The following ZNF536 variants were observed in gnomAD, a reference collection of about 807,000 sequenced individuals.
The protein encoded by ZNF536 is zinc finger protein 536.
ZNF536 carries 13 observed loss-of-function variants against 84.5 expected under a neutral mutation model. The ratio of observed to expected loss-of-function variants is 0.15; its 90% confidence interval spans 0.10 to 0.24. The LOEUF is 0.24. ZNF536 is among the 10% of genes least tolerant of loss of function. The pLI, the probability that ZNF536 is intolerant of heterozygous loss-of-function variation, is 1.00. For synonymous variants in ZNF536, 811 were observed against 742.5 expected, an observed-to-expected ratio of 1.09 and a Z score of -1.50; for missense variants, 1,536 against 1,747.5, an observed-to-expected ratio of 0.88 and a Z score of 2.16.
chr19:30,292,894 G>A (rs2045887341), intron 2 of ZNF536, among the ~76,000 whole-genome samples: 1 of 152,156 alleles, frequency 6.6e-6, no homozygotes, highest in Admixed American at 6.5e-5. Flanking sequence ...ACACGCACAG[G>A]ATTTCCTCAG....
chr19:30,306,724 ATG>A (rs1306447599), intron 2 of ZNF536, among the ~76,000 whole-genome samples: 4 of 152,236 alleles, frequency 2.6e-5, no homozygotes, highest in African/African-American at 9.6e-5. Context: ...ATAGTCTGGT[ATG>A]TTATTTTATG....
intron 2 of ZNF536, among the ~76,000 whole-genome samples, chr19:30,503,255 GGGTTAATATTCCT>G (rs1245047628): frequency 6.6e-6 from 1 of 152,068 alleles, no homozygotes; most frequent in Non-Finnish European, 1.5e-5. Context: ...GATAGATGAA[GGGTTAATATTCCT>G]GGTGCAAAGA....
intron 2 of ZNF536, among the ~76,000 whole-genome samples, chr19:30,449,524 G>A (rs1600781324): frequency 6.6e-6 from 1 of 152,144 alleles, no homozygotes; most frequent in Non-Finnish European, 1.5e-5. Flanking sequence ...ACTAAGAAAT[G>A]ATACTGTTCA....
chr19:30,644,985 C>G (rs1396979082), intron 1 of ZNF536, among the ~76,000 whole-genome samples: 1 of 152,158 alleles, frequency 6.6e-6, no homozygotes, highest in Non-Finnish European at 1.5e-5. Flanking sequence ...GTCCCACCAA[C>G]AGTGTAAAAG....
intron 2 of ZNF536, among the ~76,000 whole-genome samples, chr19:30,340,924 G>C (rs1165512577): frequency 6.6e-6 from 1 of 152,058 alleles, no homozygotes. Context: ...CTCTTCTGCT[G>C]CTGTGCACTT....
chr19:30,630,406 T>A (rs2048846045), intron 1 of ZNF536, among the ~76,000 whole-genome samples: 1 of 148,242 alleles, frequency 6.7e-6, no homozygotes, highest in African/African-American at 2.5e-5. Flanking sequence ...ATCCCGTGTG[T>A]GTGTGTGTGT....
chr19:30,539,597 A>C (rs1177094348), intron 3 of ZNF536, among the ~76,000 whole-genome samples: 1 of 152,208 alleles, frequency 6.6e-6, no homozygotes, highest in Non-Finnish European at 1.5e-5. Flanking sequence ...ATGTCCCCAG[A>C]GTCTCCTGAG....
chr19:30,336,162 A>C (rs1167928989), intron 2 of ZNF536, among the ~76,000 whole-genome samples: 1 of 152,200 alleles, frequency 6.6e-6, no homozygotes, highest in African/African-American at 2.4e-5. Flanking sequence ...TTCCAGCATG[A>C]GAGTAAGGCA....
chr19:30,634,536 T>C (rs1475616255), intron 1 of ZNF536, among the ~76,000 whole-genome samples: 1 of 152,074 alleles, frequency 6.6e-6, no homozygotes, highest in Non-Finnish European at 1.5e-5. Flanking sequence ...GGGTCCACCA[T>C]ACCCCTGGTC....
At chr19:30,595,298 T>C (rs761483817) in intron 1 of ZNF536, among the ~76,000 whole-genome samples, 25 of 152,120 alleles carry the variant, frequency 1.6e-4, no homozygotes, top group Non-Finnish European at 3.1e-4. Flanking sequence ...TTTTTAATTA[T>C]TTTTTAAGAG....
At position 30,519,906 on chromosome 19, in the gene ZNF536, G is replaced by A. The variant is rs567429117; in HGVS notation, c.2171-14941G>A. Among the ~76,000 whole-genome samples the A allele has an allele frequency of 2.2e-3, 329 of 152,316 alleles. 1 individual carries two copies. The highest frequency in any genetic ancestry group is 3.7e-3 in the Non-Finnish European group (254 of 68,024). ...AGACAGATATTAATCACACATATAC[G>A]CTCAGTGCAAACTCTGAGAAATGTC... On this transcript the variant is annotated intron_variant, in intron 2 of 4. Coordinates refer to ENST00000355537, the MANE Select transcript of ZNF536 (RefSeq NM_014717.3).
In ZNF536 at chr19:30,484,794, C is replaced by T. The variant is rs1369786891; in HGVS notation, c.2170+39062C>T. Among the ~76,000 whole-genome samples the T allele has an allele frequency of 3.3e-5, 5 of 151,070 alleles. 1 individual carries two copies. The highest frequency in any genetic ancestry group is 7.4e-5 in the Non-Finnish European group (5 of 67,926). ...GGAAAGTGGGGGGACAACATCTCTT[C>T]TTTGTTATAAGGATTAATTACTTTG... On this transcript the variant is annotated intron_variant, in intron 2 of 4. Coordinates refer to ENST00000355537, the MANE Select transcript of ZNF536 (RefSeq NM_014717.3).
In ZNF536 at chr19:30,355,717, T is replaced by C. The variant is rs149695973; in HGVS notation, c.-3+3233T>C. Among the ~76,000 whole-genome samples, 894 of 152,170 alleles carry C rather than the reference T, an allele frequency of 5.9e-3. 12 individuals carry two copies. The highest frequency in any genetic ancestry group is 0.021 in the African/African-American group (860 of 41,520). On this transcript the variant is annotated intron_variant, in intron 3 of 5. Transcript: ENST00000585628. ...CAAGCAGGAGCTGAGCTGCAGGTGATTGAGTGTTACTGCCTGAGCTCCACC... is the reference window on the plus strand; with the variant it reads ...CAAGCAGGAGCTGAGCTGCAGGTGACTGAGTGTTACTGCCTGAGCTCCACC...
rs1555744993 is a variant in ZNF536 at position 30,402,796 on chromosome 19, A to ATATATATATATATATATATATATAT, written c.-3+30240_-3+30241insTATATATATATATATATATATATAT. On this transcript the variant is annotated intron_variant, in intron 1 of 4. Coordinates refer to ENST00000355537, the MANE Select transcript of ZNF536 (RefSeq NM_014717.3). ...TTTTAAACATTTTTTAAAATTAAAA[A>ATATATATATATATATATATATATAT]ATATATATATATATATATATATATA... 9.0e-4 allele frequency among the ~76,000 whole-genome samples: 77 copies of ATATATATATATATATATATATATAT among 85,558 alleles called. 11 individuals carry two copies. The highest frequency in any genetic ancestry group is 3.1e-3 in the South Asian group (7 of 2,228). The allele number at this position is 85,558 out of a possible 152,430, so 56.1% of individuals were successfully genotyped here.
At chr19:30,289,003 A>G (rs2045741292) in intron 2 of ZNF536, among the ~76,000 whole-genome samples, 1 of 152,208 alleles carries the variant, frequency 6.6e-6, no homozygotes, top group African/African-American at 2.4e-5. Flanking sequence ...TAGCAAGTTC[A>G]GAGAATGTCA....
intron 1 of ZNF536, among the ~76,000 whole-genome samples, chr19:30,574,786 C>A (rs1232884912): frequency 6.6e-6 from 1 of 152,220 alleles, no homozygotes; most frequent in Non-Finnish European, 1.5e-5. Flanking sequence ...ACTATAATAT[C>A]TATGTATTTG....
chr19:30,562,670 G>C (rs1373997392), downstream of ZNF536, among the ~76,000 whole-genome samples: 1 of 151,966 alleles, frequency 6.6e-6, no homozygotes, highest in Non-Finnish European at 1.5e-5. Flanking sequence ...TTCCCTTTTG[G>C]ATAAAAGTGC....
At chr19:30,600,293 A>C (rs1055461847) in intron 1 of ZNF536, among the ~76,000 whole-genome samples, 1 of 152,072 alleles carries the variant, frequency 6.6e-6, no homozygotes, top group East Asian at 1.9e-4. Context: ...GGGTTTCACC[A>C]TGTTGGCCAG....
At chr19:30,416,579 G>A (rs1360646567) in intron 1 of ZNF536, among the ~76,000 whole-genome samples, 4 of 152,010 alleles carry the variant, frequency 2.6e-5, no homozygotes, top group Non-Finnish European at 4.4e-5. Flanking sequence ...AAATAGGCAG[G>A]CTGGGACTCA....
Sources: gnomAD v4.1 joint callset for allele counts (sites outside exome capture counted in the v4.1 genomes callset) on GRCh38, gnomAD v4.1.1 for gene constraint, MANE v1.5 for transcripts, NCBI Gene and HGNC (gene_info 2026-07-23, HGNC 2026-07-21) for gene names.